Variants in SUN1 observed in about 807,000 individuals in gnomAD.
The protein encoded by SUN1 is SUN domain-containing protein 1.
In SUN1, 61 loss-of-function variants were observed where a neutral mutation model predicts 103.2. That is an observed-to-expected ratio of 0.59 (90% CI 0.48 to 0.73). The LOEUF is 0.73. SUN1 is among the 30% of genes least tolerant of loss of function. The pLI is 0.00. For synonymous variants in SUN1, 490 were observed against 425.7 expected, an observed-to-expected ratio of 1.15 and a Z score of -1.86; for missense variants, 1,052 against 1,034.6, an observed-to-expected ratio of 1.02 and a Z score of -0.23.
At chr7:843,882 T>C in intron 5 of SUN1, 5 of 1,288,602 alleles carry the variant, frequency 3.9e-6, no homozygotes, top group Non-Finnish European at 4.9e-6. Context: ...TTTGGGACGC[T>C]GCTCTGGTCT....
At chr7:849,744 T>C (rs1224444720) in intron 5 of SUN1, 16 of 1,119,012 alleles carry the variant, frequency 1.4e-5, no homozygotes, top group Non-Finnish European at 1.6e-5. Flanking sequence ...TTGGAGCTGC[T>C]GCTTAAGCCC....
chr7:842,972 G>A, intron 3 of SUN1: 1 of 634,226 alleles, frequency 1.6e-6, no homozygotes, highest in East Asian at 2.8e-5. Context: ...CTTAGGCCAG[G>A]TGCTGTGTGT....
At position 843,330 on chromosome 7, in the gene SUN1, G is replaced by T; in HGVS notation, c.479-11G>T. ...GATAAACAGGTTCCATCTACTGTTT[G>T]AAAACTTTAGGTGGAAATAAAGCTG... On this transcript the variant is annotated splice_polypyrimidine_tract_variant and intron_variant, in intron 4 of 18. Coordinates refer to ENST00000401592, the MANE Select transcript of SUN1 (RefSeq NM_001130965.3). 6.2e-7 allele frequency: 1 copy of T among 1,603,784 alleles called. No individual in the cohort carries two copies.
intron 1 of SUN1, among the ~76,000 whole-genome samples, chr7:824,525 A>G (rs1789498631): frequency 6.6e-6 from 1 of 152,258 alleles, no homozygotes; most frequent in African/African-American, 2.4e-5. Context: ...AGTAATATGT[A>G]TAAACTAAAT....
chr7:823,373 C>G (rs1378981867), intron 1 of SUN1, among the ~76,000 whole-genome samples: 1 of 152,124 alleles, frequency 6.6e-6, no homozygotes, highest in Non-Finnish European at 1.5e-5. Flanking sequence ...GGTATCTCTG[C>G]TGAACATTAA....
At chr7:849,145 A>C (rs1186922140) in intron 5 of SUN1, among the ~76,000 whole-genome samples, 3 of 152,170 alleles carry the variant, frequency 2.0e-5, no homozygotes, top group Non-Finnish European at 2.9e-5. Flanking sequence ...TAAAGTAGAC[A>C]TGGGGTTTCA....
intron 14 of SUN1, among the ~76,000 whole-genome samples, chr7:860,666 G>T (rs1831463560): frequency 6.6e-6 from 1 of 152,216 alleles, no homozygotes; most frequent in Admixed American, 6.5e-5. Flanking sequence ...CCATCTGCCT[G>T]TGTGGTGGCC....
At chr7:829,640 C>T (rs1050310306), upstream of SUN1, among the ~76,000 whole-genome samples, 3 of 151,902 alleles carry the variant, frequency 2.0e-5, no homozygotes, top group East Asian at 1.9e-4. Context: ...CTGCAAGCTC[C>T]GCTTCCCAGG....
intron 1 of SUN1, chr7:817,570 G>T: frequency 6.6e-7 from 1 of 1,516,282 alleles, no homozygotes; most frequent in Non-Finnish European, 8.8e-7. Context: ...CTCTGATTCC[G>T]GGTGGGAAGC....
Position 873,522 on chromosome 7 carries a change from T to TGCA in SUN1, c.*193_*195dup. The TGCA allele has an allele frequency of 1.7e-6, 1 of 591,106 alleles. No homozygotes were observed. Among genetic ancestry groups the TGCA allele is most frequent in the Non-Finnish European group, 3.0e-6 (1 of 335,252 alleles). The allele number at this position is 591,106 out of a possible 1,614,324, so 36.6% of individuals were successfully genotyped here. A position where few individuals can be genotyped will look rare whatever the true frequency, so the allele number is the denominator to read the frequency against. On this transcript the variant is annotated 3_prime_UTR_variant, in exon 19 of 19. Transcript: ENST00000401592. ...CCACCTGTTGGGTGCTCACTGCCTC[T>TGCA]GCAGGTGCAGAGGGGTCAGCAGCAG...
chr7:839,098 T>C, intron 2 of SUN1, 112 bp downstream of exon 2: 1 of 1,141,392 alleles, frequency 8.8e-7, no homozygotes, highest in South Asian at 1.7e-5. Flanking sequence ...AGGATATGTG[T>C]GTGTATGTGC....
At chr7:871,336 C>CT (rs1841519125) in intron 17 of SUN1, among the ~76,000 whole-genome samples, 1 of 152,136 alleles carries the variant, frequency 6.6e-6, no homozygotes, top group Non-Finnish European at 1.5e-5. Context: ...TACAGACATA[C>CT]TTTCCATTGT....
chr7:819,774 T>C (rs1784292054), intron 1 of SUN1, among the ~76,000 whole-genome samples: 1 of 149,856 alleles, frequency 6.7e-6, no homozygotes, highest in African/African-American at 2.5e-5. Context: ...AGTGGCGTGA[T>C]CTCGGCTCAC....
intron 16 of SUN1, chr7:868,340 G>T: frequency 4.6e-6 from 1 of 215,902 alleles, no homozygotes; most frequent in Non-Finnish European, 9.3e-6. Context: ...CCTGGAGGTG[G>T]GGGTGCGATC....
At chr7:849,159 T>C (rs1162735701) in intron 5 of SUN1, among the ~76,000 whole-genome samples, 2 of 152,234 alleles carry the variant, frequency 1.3e-5, no homozygotes, top group East Asian at 1.9e-4. Context: ...GGTTTCATCA[T>C]GTTAGCCAAG....
intron 1 of SUN1, among the ~76,000 whole-genome samples, chr7:822,206 G>A (rs1197657415): frequency 6.6e-6 from 1 of 152,150 alleles, no homozygotes; most frequent in Non-Finnish European, 1.5e-5. Flanking sequence ...TGTTCTAATT[G>A]TTGCTACTTT....
chr7:853,049 C>G (rs1823759638), intron 9 of SUN1, 97 bp downstream of exon 9: 1 of 1,450,560 alleles, frequency 6.9e-7, no homozygotes, highest in African/African-American at 1.4e-5. Flanking sequence ...GTTGGGTGTC[C>G]TGTTGTAAGA....
At chr7:829,568 T>G (rs901680009), upstream of SUN1, among the ~76,000 whole-genome samples, 1 of 151,528 alleles carries the variant, frequency 6.6e-6, no homozygotes, top group Non-Finnish European at 1.5e-5. Flanking sequence ...TTGTTTTTTT[T>G]TTTTGAGATG....
intron 16 of SUN1, among the ~76,000 whole-genome samples, chr7:867,942 G>A (rs1258039722): frequency 6.6e-6 from 1 of 152,210 alleles, no homozygotes; most frequent in Non-Finnish European, 1.5e-5. Flanking sequence ...CCCCAAGAGG[G>A]GTACCAGGGA....
Sources: gnomAD v4.1 joint callset for allele counts (sites outside exome capture counted in the v4.1 genomes callset) on GRCh38, gnomAD v4.1.1 for gene constraint, MANE v1.5 for transcripts, NCBI Gene and HGNC (gene_info 2026-07-23, HGNC 2026-07-21) for gene names.